Variants in KIAA1217 observed in about 807,000 individuals in gnomAD.
KIAA1217 encodes sickle tail protein homolog.
KIAA1217 carries 88 observed loss-of-function variants against 163.9 expected under a neutral mutation model. That is an observed-to-expected ratio of 0.54 (90% CI 0.45 to 0.64). The LOEUF (loss-of-function observed/expected upper bound fraction) is 0.64, where lower values mean the gene tolerates loss of function less well. Among genes scored for constraint, KIAA1217 ranks in the 30% least tolerant of loss-of-function variants. The pLI, the probability that KIAA1217 is intolerant of heterozygous loss-of-function variation, is 0.00. For missense variants in KIAA1217, 2,372 were observed against 2,475.0 expected (o/e 0.96, Z 0.88); for synonymous variants, 903 against 923.1 (o/e 0.98, Z 0.39).
intron 1 of KIAA1217, among the ~76,000 whole-genome samples, chr10:23,792,388 A>T (rs1229062707): frequency 6.6e-6 from 1 of 152,240 alleles, no homozygotes; most frequent in Non-Finnish European, 1.5e-5. Context: ...TAGTTCTCTT[A>T]TAGTAAACTT....
At chr10:23,939,545 A>T (rs1255980187) in intron 1 of KIAA1217, among the ~76,000 whole-genome samples, 1 of 152,052 alleles carries the variant, frequency 6.6e-6, no homozygotes, top group Non-Finnish European at 1.5e-5. Context: ...CAGTACATAA[A>T]ATATAATTTA....
At chr10:23,895,082 C>G (rs1841615328) in intron 1 of KIAA1217, among the ~76,000 whole-genome samples, 1 of 152,012 alleles carries the variant, frequency 6.6e-6, no homozygotes, top group South Asian at 2.1e-4. Flanking sequence ...TAGGCATGGG[C>G]AAGGACTTCA....
chr10:23,728,579 G>T (rs978077183), intron 1 of KIAA1217, among the ~76,000 whole-genome samples: 22 of 151,882 alleles, frequency 1.4e-4, no homozygotes, highest in African/African-American at 4.8e-4. Flanking sequence ...CAGATGGATA[G>T]ATTGCAAAAG....
chr10:24,459,748 T>C (rs1403858148), intron 5 of KIAA1217, among the ~76,000 whole-genome samples: 1 of 151,934 alleles, frequency 6.6e-6, no homozygotes, highest in Non-Finnish European at 1.5e-5. Context: ...TGTAGTGAGC[T>C]CTTAGCTCTA....
At chr10:24,315,478 C>A (rs1025640918) in intron 2 of KIAA1217, among the ~76,000 whole-genome samples, 1 of 152,144 alleles carries the variant, frequency 6.6e-6, no homozygotes, top group African/African-American at 2.4e-5. Flanking sequence ...TTTTGAAGTG[C>A]GAGGACTCAG....
At chr10:23,873,688 TTCTC>T (rs752200216) in intron 1 of KIAA1217, among the ~76,000 whole-genome samples, 7 of 130,370 alleles carry the variant, frequency 5.4e-5, no homozygotes, top group South Asian at 2.3e-4. Context: ...AGTTGTCTGT[TTCTC>T]TCTCTCTCTC....
chr10:24,458,242 C>T (rs2062006466), intron 5 of KIAA1217, among the ~76,000 whole-genome samples: 2 of 152,232 alleles, frequency 1.3e-5, no homozygotes, highest in Non-Finnish European at 2.9e-5. Context: ...ATTTCCAAGC[C>T]ATGCTCCCTG....
chr10:23,988,238 A>C (rs1846066416), intron 1 of KIAA1217, among the ~76,000 whole-genome samples: 1 of 152,228 alleles, frequency 6.6e-6, no homozygotes, highest in African/African-American at 2.4e-5. Context: ...TTTGGAAGAC[A>C]GGCAGAAGCC....
chr10:23,967,210 T>A (rs956106924), intron 1 of KIAA1217, among the ~76,000 whole-genome samples: 1 of 151,878 alleles, frequency 6.6e-6, no homozygotes, highest in South Asian at 2.1e-4. Context: ...GCTTTACCCA[T>A]CGAAATTAAA....
intron 1 of KIAA1217, among the ~76,000 whole-genome samples, chr10:23,999,725 A>C (rs12269207): frequency 0.24 from 36,669 of 152,102 alleles, 4,777 homozygotes; most frequent in Middle Eastern, 0.42. Context: ...GGGGAAATGT[A>C]TTAGAACACT....
chr10:23,700,317 C>T (rs1050207865), intron 1 of KIAA1217, among the ~76,000 whole-genome samples: 2 of 152,074 alleles, frequency 1.3e-5, no homozygotes, highest in African/African-American at 2.4e-5. Flanking sequence ...TCCTGGCAGC[C>T]GAGACCAAGC....
At chr10:23,991,247 T>G (rs143314320) in intron 1 of KIAA1217, among the ~76,000 whole-genome samples, 13 of 152,302 alleles carry the variant, frequency 8.5e-5, no homozygotes, top group Admixed American at 3.3e-4. Context: ...TTGAACAGCT[T>G]TTAGCATTGT....
chr10:23,958,267 A>G (rs932545408), intron 1 of KIAA1217, among the ~76,000 whole-genome samples: 2 of 152,214 alleles, frequency 1.3e-5, no homozygotes, highest in Non-Finnish European at 2.9e-5. Context: ...CAGCTCATAC[A>G]TAAGGTGCTG....
At chr10:23,873,728 C>T (rs1588991530) in intron 1 of KIAA1217, among the ~76,000 whole-genome samples, 2 of 152,020 alleles carry the variant, frequency 1.3e-5, no homozygotes, top group Middle Eastern at 3.4e-3. Flanking sequence ...GTCTCACTCG[C>T]CATCTATCTC....
chr10:23,729,700 A>T (rs1838366413), intron 1 of KIAA1217, among the ~76,000 whole-genome samples: 1 of 152,144 alleles, frequency 6.6e-6, no homozygotes, highest in Non-Finnish European at 1.5e-5. Flanking sequence ...CTTATCAGAT[A>T]TGTCTTTTGC....
At chr10:23,818,332 T>TATA (rs1564448539) in intron 1 of KIAA1217, among the ~76,000 whole-genome samples, 1,393 of 123,208 alleles carry the variant, frequency 0.011, 20 homozygotes, top group African/African-American at 0.044. Flanking sequence ...TATATATATT[T>TATA]TATATATATA....
At chr10:24,173,200 A>C (rs905008535) in intron 2 of KIAA1217, among the ~76,000 whole-genome samples, 2 of 152,242 alleles carry the variant, frequency 1.3e-5, no homozygotes, top group African/African-American at 4.8e-5. Context: ...CATTTGAGGG[A>C]TGTAAGTTGC....
At position 23,835,446 on chromosome 10, in the gene KIAA1217, C is replaced by T. The variant is rs1026958412; in HGVS notation, c.-321+140212C>T. ...TATTCCCAGGAGATAACCCCTCCAC[C>T]CCCTGCTAGCATCTGCATTAGTACC... On this transcript the variant is annotated intron_variant, in intron 1 of 18. Coordinates refer to the KIAA1217 transcript ENST00000376462. Among the ~76,000 whole-genome samples, 15 of 152,196 alleles carry T rather than the reference C, an allele frequency of 9.9e-5. No homozygotes were observed. In the South Asian group the frequency reaches 1.9e-3, roughly 19 times the overall value.
At chr10:23,816,827 G>C (rs1352145768) in intron 1 of KIAA1217, among the ~76,000 whole-genome samples, 2 of 152,174 alleles carry the variant, frequency 1.3e-5, no homozygotes, top group African/African-American at 4.8e-5. Context: ...GAAGGAGAAT[G>C]GTGGAAATCG....
Sources: allele counts gnomAD v4.1 joint callset (sites outside exome capture counted in the v4.1 genomes callset), GRCh38; gene constraint gnomAD v4.1.1; transcripts MANE v1.5; gene names NCBI Gene and HGNC (gene_info 2026-07-23, HGNC 2026-07-21).